The following USP33 variants were observed in gnomAD, a reference collection of about 807,000 sequenced individuals.
USP33 encodes the protein ubiquitin carboxyl-terminal hydrolase 33.
In USP33, 46 loss-of-function variants were observed where a neutral mutation model predicts 124.2. The observed-to-expected ratio is 0.37, with a 90% CI of 0.29 to 0.47. The LOEUF is 0.47. USP33 is among the 20% of genes least tolerant of loss of function. The pLI is 0.99. For missense variants in USP33, 851 were observed against 1,070.6 expected (o/e 0.79, Z 2.86); for synonymous variants, 350 against 352.3 (o/e 0.99, Z 0.07).
chr1:77,697,609 G>T, intron 23 of USP33, 135 bp from the exon 24 acceptor site: 2 of 1,104,354 alleles, frequency 1.8e-6, no homozygotes, highest in Non-Finnish European at 2.5e-6. Flanking sequence ...CAGACTACCA[G>T]CCCATATTGT....
intron 21 of USP33, among the ~76,000 whole-genome samples, chr1:77,705,158 C>T (rs1674479173): frequency 6.6e-6 from 1 of 151,038 alleles, no homozygotes; most frequent in Admixed American, 6.6e-5. Flanking sequence ...AAAAAAAACC[C>T]TAATATTATA....
intron 1 of USP33, among the ~76,000 whole-genome samples, chr1:77,744,190 G>A (rs563375669): frequency 6.6e-6 from 1 of 151,398 alleles, no homozygotes; most frequent in African/African-American, 2.4e-5. Context: ...AATTGTGTTC[G>A]GAACAAAGCT....
intron 20 of USP33, among the ~76,000 whole-genome samples, chr1:77,712,443 A>T (rs1035079387): frequency 4.6e-5 from 7 of 152,144 alleles, no homozygotes; most frequent in African/African-American, 1.7e-4. Flanking sequence ...AAATCGCTTG[A>T]AACTGGGAGG....
At chr1:77,715,496 T>G (rs1039232449) in intron 18 of USP33, among the ~76,000 whole-genome samples, 1 of 152,230 alleles carries the variant, frequency 6.6e-6, no homozygotes, top group African/African-American at 2.4e-5. Context: ...TGAGCCACTG[T>G]GCCCGGCACT....
rs751596752 is a variant in USP33, at chr1:77,697,342, A to G, written c.2711T>C (p.Ile904Thr). 1.1e-5 allele frequency: 17 copies of G among 1,600,722 alleles called. No homozygotes were observed. The highest frequency in any genetic ancestry group is 2.5e-6 in the Non-Finnish European group (3 of 1,176,738). The change falls in exon 24 of 24, where the codon ATT becomes ACT. Residue 904 changes from isoleucine to threonine, a missense_variant. Ile to Thr is a moderately conservative substitution (Grantham distance 89). Coordinates refer to ENST00000370794, the MANE Select transcript of USP33 (RefSeq NM_201624.3). ...DPDILQAEEK[I>T]EVETRSL ...TTACAAAGACCGAGTTTCTACTTCAATTTTTTCTTCTGCTTGAAGTATATC... is the reference window on the plus strand; with the variant it reads ...TTACAAAGACCGAGTTTCTACTTCAGTTTTTTCTTCTGCTTGAAGTATATC...
intron 20 of USP33, among the ~76,000 whole-genome samples, chr1:77,712,608 A>C (rs1396315785): frequency 6.6e-6 from 1 of 152,192 alleles, no homozygotes; most frequent in Non-Finnish European, 1.5e-5. Flanking sequence ...AGGCCAAAGC[A>C]GCCACATGGC....
rs745634023 is a variant in USP33 at position 77,729,910 on chromosome 1, A to T, written c.667T>A (p.Phe223Ile). 6.2e-7 allele frequency: 1 copy of T among 1,613,882 alleles called. No homozygotes were observed. Among genetic ancestry groups the T allele is most frequent in the Non-Finnish European group, 8.5e-7 (1 of 1,179,888 alleles). Residue 223 changes from phenylalanine (F) to isoleucine (I), a missense_variant, in exon 9 of 24, where the codon TTT (phenylalanine) becomes ATT (isoleucine). Physicochemically the swap from Phe to Ile is conservative, Grantham distance 21. Transcript: ENST00000370794. ...RPGSVVPTTL[F>I]QGIKTVNPTF... Reference sequence around the variant, plus strand: ...GGATTTACAGTTTTAATTCCTTGAAACAGAGTAGTAGGCACAACAGATCCT... The same window carrying T: ...GGATTTACAGTTTTAATTCCTTGAATCAGAGTAGTAGGCACAACAGATCCT...
chr1:77,735,748 T>C (rs896130448), intron 6 of USP33, among the ~76,000 whole-genome samples: 4 of 152,152 alleles, frequency 2.6e-5, no homozygotes, highest in African/African-American at 9.7e-5. Context: ...TTATACCTAA[T>C]ACCTCCCCAT....
intron 5 of USP33, among the ~76,000 whole-genome samples, chr1:77,738,733 G>A (rs1678773813): frequency 6.6e-6 from 1 of 152,158 alleles, no homozygotes; most frequent in Admixed American, 6.5e-5. Context: ...AGCCGCCTTG[G>A]CCTCCCAAAG....
chr1:77,753,259 C>T (rs974841876), intron 1 of USP33, among the ~76,000 whole-genome samples: 1 of 151,664 alleles, frequency 6.6e-6, no homozygotes, highest in African/African-American at 2.4e-5. Context: ...AATTAATCAA[C>T]AGAACACTAG....
chr1:77,758,565 C>A (rs1272371858), intron 1 of USP33, among the ~76,000 whole-genome samples: 1 of 152,114 alleles, frequency 6.6e-6, no homozygotes, highest in East Asian at 1.9e-4. Context: ...ATAAAACTAG[C>A]ATTGTCTTTA....
At position 77,714,473 on chromosome 1, in the gene USP33, A is replaced by G; in HGVS notation, c.2215+141T>C. On this transcript the variant is annotated intron_variant, in intron 19 of 23. Transcript: ENST00000370794. ...AAAGGAAGGGTGAATTTCTGAAACC[A>G]TATGGAATTAAAACACATTAAGTTT... 7 of 796,594 alleles carry G rather than the reference A, an allele frequency of 8.8e-6. No homozygotes were observed. The South Asian group carries it at 1.4e-4, about 15-fold the overall frequency. 49.3% of individuals were successfully genotyped at this position (796,594 alleles called of 1,614,324 possible).
chr1:77,697,580 C>T, intron 23 of USP33, 106 bp from the exon 24 acceptor site: 2 of 1,330,876 alleles, frequency 1.5e-6, no homozygotes, highest in Non-Finnish European at 1.0e-6. Flanking sequence ...TAATTGAGAA[C>T]TTCTGGAACA....
At chr1:77,748,227 T>A (rs548461973) in intron 1 of USP33, among the ~76,000 whole-genome samples, 7 of 152,348 alleles carry the variant, frequency 4.6e-5, no homozygotes, top group Non-Finnish European at 1.0e-4. Flanking sequence ...TTTACTGTTT[T>A]AATGCATTTA....
Position 77,720,460 on chromosome 1 carries a change from C to CA in USP33, c.1691+711dup. 3.0e-6 allele frequency: 3 copies of CA among 985,432 alleles called. No individual in the cohort carries two copies. In the South Asian group the frequency reaches 1.4e-4, roughly 46 times the overall value. The allele number at this position is 985,432 out of a possible 1,614,324, so 61.0% of individuals were successfully genotyped here. On this transcript the variant is annotated intron_variant, in intron 15 of 23. Coordinates refer to ENST00000370794, the MANE Select transcript of USP33 (RefSeq NM_201624.3). ...TAGAAGTCAGCTTTTTCATCTTTAT[C>CA]AACCAAATAGTATACCATTCCTTTC...
chr1:77,725,987 T>C (rs1208511658), intron 10 of USP33, among the ~76,000 whole-genome samples: 1 of 152,132 alleles, frequency 6.6e-6, no homozygotes, highest in African/African-American at 2.4e-5. Context: ...TCTCCCTCTG[T>C]CCCCCAGGCT....
intron 10 of USP33, among the ~76,000 whole-genome samples, 170 bp from the exon 11 acceptor site, chr1:77,725,932 C>T (rs1677109579): frequency 6.6e-6 from 1 of 152,108 alleles, no homozygotes; most frequent in Admixed American, 6.6e-5. Flanking sequence ...ATCTTCTACC[C>T]AGAAATCCAA....
chr1:77,723,529 T>C (rs1189851082), intron 11 of USP33, 86 bp from the exon 12 acceptor site: 6 of 841,392 alleles, frequency 7.1e-6, no homozygotes, highest in Non-Finnish European at 1.1e-5. Flanking sequence ...TCAATCTTAC[T>C]TGTATATGAT....
intron 11 of USP33, among the ~76,000 whole-genome samples, chr1:77,723,963 C>A (rs1325167240): frequency 1.3e-5 from 2 of 151,800 alleles, no homozygotes; most frequent in Non-Finnish European, 2.9e-5. Context: ...CGCACCCAGC[C>A]TGTTTTTTTT....
Sources: gnomAD v4.1 joint callset for allele counts (sites outside exome capture counted in the v4.1 genomes callset) on GRCh38, gnomAD v4.1.1 for gene constraint, MANE v1.5 for transcripts, NCBI Gene and HGNC (gene_info 2026-07-23, HGNC 2026-07-21) for gene names.